Variants in ZSCAN25 observed in about 807,000 individuals in gnomAD.
ZSCAN25 encodes zinc finger and SCAN domain containing 25.
In ZSCAN25, 27 loss-of-function variants were observed where a neutral mutation model predicts 38.7. The observed-to-expected ratio is 0.70, with a 90% confidence interval of 0.51 to 0.96. The LOEUF (loss-of-function observed/expected upper bound fraction) is 0.96. ZSCAN25 is among the 40% of genes least tolerant of loss of function. The pLI, the probability that ZSCAN25 is intolerant of heterozygous loss-of-function variation, is 0.00. For missense variants in ZSCAN25, 637 were observed against 705.9 expected (o/e 0.90, Z 1.11); for synonymous variants, 273 against 277.7 (o/e 0.98, Z 0.17).
chr7:99,713,541 A>G, the ZSCAN25 span: 5 of 1,613,316 alleles, frequency 3.1e-6, no homozygotes, highest in African/African-American at 6.7e-5. Flanking sequence ...CGGTGCTAGA[A>G]GCAAAAAGAG....
the ZSCAN25 span, among the ~76,000 whole-genome samples, chr7:99,711,578 A>C: frequency 6.6e-6 from 1 of 152,098 alleles, no homozygotes; most frequent in African/African-American, 2.4e-5. Context: ...AGACCAGCCT[A>C]ACCAACATGG....
chr7:99,664,210 G>A, the ZSCAN25 span: 1 of 927,918 alleles, frequency 1.1e-6, no homozygotes, highest in Non-Finnish European at 1.7e-6. Context: ...TTCTCAACTG[G>A]AACCCATTCC....
the ZSCAN25 span, chr7:99,638,456 G>A: frequency 6.5e-7 from 1 of 1,549,104 alleles, no homozygotes. Flanking sequence ...TGATAATGTG[G>A]TGCAGCTCCT....
At position 99,629,050 on chromosome 7, in the gene ZSCAN25, T is replaced by C. The variant is rs117053451; in HGVS notation, c.806-141T>C. On this transcript the variant is annotated intron_variant, in intron 7 of 7. Coordinates refer to ENST00000394152, the MANE Select transcript of ZSCAN25 (RefSeq NM_145115.3). The surrounding 1 kb of genome is among the most constrained non-coding windows in gnomAD (Gnocchi z 5.6). ...GGAGGTGGAAATAAGGAAAAAGAAG[T>C]AAGGAAAGCCTGAGTTGAGGTTGTT... 3.1e-3 allele frequency: 3,716 copies of C among 1,198,482 alleles called. 24 individuals carry two copies. In the Middle Eastern group the frequency reaches 0.04, roughly 13 times the overall value. The allele number at this position is 1,198,482 out of a possible 1,614,324, so 74.2% of individuals were successfully genotyped here.
the ZSCAN25 span, among the ~76,000 whole-genome samples, chr7:99,723,678 GCC>G: frequency 1.3e-5 from 2 of 152,180 alleles, no homozygotes; most frequent in Non-Finnish European, 1.5e-5. Context: ...CCTCAGACCA[GCC>G]AGCCCAAGGT....
chr7:99,692,265 C>T, the ZSCAN25 span, among the ~76,000 whole-genome samples: 11 of 152,208 alleles, frequency 7.2e-5, no homozygotes, highest in Admixed American at 5.2e-4. Flanking sequence ...GAGAGATCTG[C>T]TGTTAGTCTG....
At chr7:99,682,268 C>A in the ZSCAN25 span, among the ~76,000 whole-genome samples, 48 of 152,228 alleles carry the variant, frequency 3.2e-4, no homozygotes, top group African/African-American at 1.1e-3. Context: ...CGGCACTCAG[C>A]CAGGTTTCAG....
At chr7:99,706,654 A>C in the ZSCAN25 span, among the ~76,000 whole-genome samples, 1 of 152,276 alleles carries the variant, frequency 6.6e-6, no homozygotes, top group African/African-American at 2.4e-5. Flanking sequence ...CATTATTTAA[A>C]AATTTTCAAA....
At chr7:99,709,256 T>G in the ZSCAN25 span, 1 of 1,613,722 alleles carries the variant, frequency 6.2e-7, no homozygotes, top group South Asian at 1.1e-5. Flanking sequence ...CATAGGTGGG[T>G]GGTGCCTGAA....
In ZSCAN25 at chr7:99,629,813, C is replaced by G. The variant is rs1204557322; in HGVS notation, c.1428C>G (p.His476Gln). ...GCAGGAATGCCAATCTGGCGGTGCA[C>G]CGGCGTGCCCACACTGGCGAGAAGC... ...SFSRNANLAV[H>Q]RRAHTGEKPY... The change falls in exon 8 of 8, where the codon CAC (histidine) becomes CAG (glutamine). Residue 476 changes from histidine (H) to glutamine (Q), a missense_variant. By Grantham distance (24) the His-to-Gln change is conservative. Transcript: ENST00000394152. The surrounding 1 kb of genome is among the most constrained non-coding windows in gnomAD (Gnocchi z 5.6). The G allele has an allele frequency of 6.2e-7, 1 of 1,614,210 alleles. No homozygotes were observed. The highest frequency in any genetic ancestry group is 1.7e-5 in the Admixed American group (1 of 60,032).
chr7:99,674,299 A>C, the ZSCAN25 span: 1 of 392,206 alleles, frequency 2.5e-6, no homozygotes. Flanking sequence ...TCTATGGAGC[A>C]TCTTTGTCTT....
At chr7:99,674,936 C>A in the ZSCAN25 span, among the ~76,000 whole-genome samples, 1 of 152,212 alleles carries the variant, frequency 6.6e-6, no homozygotes, top group Admixed American at 6.5e-5. Context: ...AGGGGTGAAA[C>A]TGAGGTGAGG....
At chr7:99,687,859 C>A in the ZSCAN25 span, among the ~76,000 whole-genome samples, 5 of 152,026 alleles carry the variant, frequency 3.3e-5, no homozygotes, top group Non-Finnish European at 5.9e-5. Context: ...AGAGTGGGGA[C>A]CAATATTCAA....
the ZSCAN25 span, among the ~76,000 whole-genome samples, chr7:99,697,339 G>A: frequency 6.6e-6 from 1 of 152,172 alleles, no homozygotes; most frequent in South Asian, 2.1e-4. Flanking sequence ...TTACTGAGGG[G>A]TGGAAGACTG....
downstream of ZSCAN25, among the ~76,000 whole-genome samples, chr7:99,632,986 G>GTTTTTTTTTTT (rs201141594): frequency 5.7e-5 from 8 of 141,478 alleles, no homozygotes; most frequent in South Asian, 4.8e-4. Flanking sequence ...TGCATTTTCT[G>GTTTTTTTTTTT]TTGTTTTTTT....
chr7:99,626,910 T>G (rs1807519046), intron 7 of ZSCAN25, among the ~76,000 whole-genome samples: 1 of 152,230 alleles, frequency 6.6e-6, no homozygotes, highest in Non-Finnish European at 1.5e-5. Context: ...AACGGGTTTC[T>G]CACTGCTAGG....
chr7:99,660,593 C>CTGGTGGT, the ZSCAN25 span: 1 of 1,613,992 alleles, frequency 6.2e-7, no homozygotes, highest in Non-Finnish European at 8.5e-7. Context: ...AAGAACACTG[C>CTGGTGGT]TGGTGGTTTC....
the ZSCAN25 span, chr7:99,672,823 C>A: frequency 6.7e-7 from 1 of 1,481,738 alleles, no homozygotes; most frequent in East Asian, 2.4e-5. Flanking sequence ...GGTTCTAGTT[C>A]ATTAGGGTGT....
chr7:99,644,077 A>T, the ZSCAN25 span, among the ~76,000 whole-genome samples: 1 of 152,154 alleles, frequency 6.6e-6, no homozygotes, highest in African/African-American at 2.4e-5. Context: ...GGAGATGGTC[A>T]TCAGTGTTCT....
Sources: gnomAD v4.1 joint callset for allele counts (sites outside exome capture counted in the v4.1 genomes callset) on GRCh38, gnomAD v4.1.1 for gene constraint, Gnocchi (gnomAD v3.1) non-coding constraint, MANE v1.5 for transcripts, NCBI Gene and HGNC (gene_info 2026-07-23, HGNC 2026-07-21) for gene names.